Variants in HMGXB4 observed in about 807,000 individuals in gnomAD.
HMGXB4 encodes the protein HMG domain-containing protein 4.
Under a neutral mutation model 63.9 loss-of-function variants are expected in HMGXB4, and 27 were observed. The observed-to-expected ratio is 0.42, with a 90% confidence interval of 0.31 to 0.58. HMGXB4 has a LOEUF of 0.58. Among genes scored for constraint, HMGXB4 ranks in the 20% least tolerant of loss-of-function variants. The probability of loss-of-function intolerance (pLI) is 0.13; values close to 1 mark genes in which losing one functional copy is unlikely to be tolerated. For missense variants in HMGXB4, 624 were observed against 700.7 expected, an observed-to-expected ratio of 0.89 and a Z score of 1.24; for synonymous variants, 264 against 265.3, an observed-to-expected ratio of 0.99 and a Z score of 0.05.
At chr22:35,258,887 C>T (rs1030026269) in intron 1 of HMGXB4, among the ~76,000 whole-genome samples, 1 of 152,120 alleles carries the variant, frequency 6.6e-6, no homozygotes, top group Non-Finnish European at 1.5e-5. Flanking sequence ...GTCCGTGTGA[C>T]GGGGCTTACT....
the HMGXB4 span, among the ~76,000 whole-genome samples, chr22:35,245,453 T>G: frequency 2.0e-5 from 3 of 152,156 alleles, no homozygotes; most frequent in East Asian, 5.8e-4. Context: ...TTAAATCACG[T>G]TCATAATTGC....
At chr22:35,251,881 G>A in the HMGXB4 span, among the ~76,000 whole-genome samples, 1 of 152,010 alleles carries the variant, frequency 6.6e-6, no homozygotes, top group East Asian at 1.9e-4. Context: ...TGGTGTTTTG[G>A]TTTGGCTCGG....
chr22:35,262,248 C>T (rs929653882), intron 1 of HMGXB4, 75 bp from the exon 2 acceptor site: 6 of 794,992 alleles, frequency 7.5e-6, no homozygotes, highest in South Asian at 1.5e-5. Context: ...TGGATCACTG[C>T]GCATTTCCAT....
chr22:35,258,247 C>T (rs1168425322), intron 1 of HMGXB4: 1 of 152,164 alleles, frequency 6.6e-6, no homozygotes, highest in East Asian at 1.9e-4. Flanking sequence ...GTGGTGGGCG[C>T]CTTCTCCATG....
At chr22:35,283,852 C>A in intron 5 of HMGXB4, 110 bp from the exon 6 acceptor site, 2 of 713,626 alleles carry the variant, frequency 2.8e-6, no homozygotes, top group South Asian at 3.5e-5. Flanking sequence ...GGAACTCTTC[C>A]CTTGATGAAA....
Position 35,263,813 on chromosome 22 carries a change from C to T in HMGXB4, c.198C>T (p.Phe66=). ...KKKLKDSELY[F]LGTDTHKKKR... is the part of the protein sequence containing the mutation. The stretch of plus-strand genomic sequence containing the variant: ...AATTATAGGATAGTGAACTTTACTT[C>T]TTGGGGACGGACACACACAAGAAGA... Residue 66 remains phenylalanine, a synonymous_variant, in exon 4 of 11, where the codon TTC becomes TTT. Transcript: ENST00000216106. The T allele has an allele frequency of 1.9e-6, 3 of 1,612,892 alleles. No individual in the cohort carries two copies. The highest frequency in any genetic ancestry group is 2.5e-6 in the Non-Finnish European group (3 of 1,178,882).
chr22:35,251,365 G>A, the HMGXB4 span, among the ~76,000 whole-genome samples: 3 of 152,204 alleles, frequency 2.0e-5, no homozygotes, highest in Non-Finnish European at 2.9e-5. Flanking sequence ...ATAAGCCACC[G>A]CGCCCGGCCT....
At chr22:35,265,977 CGAG>C (rs1923222991) in intron 5 of HMGXB4, among the ~76,000 whole-genome samples, 1 of 147,186 alleles carries the variant, frequency 6.8e-6, no homozygotes, top group Admixed American at 6.8e-5. Context: ...TTAATAGAGA[CGAG>C]GTTTCACCAT....
intron 5 of HMGXB4, among the ~76,000 whole-genome samples, chr22:35,279,699 T>TTTTTTTTTTTTTTTTTTTTTTTTTG: frequency 9.2e-6 from 1 of 108,154 alleles, no homozygotes; most frequent in Non-Finnish European, 2.0e-5. Flanking sequence ...TTTTTTTTTT[T>TTTTTTTTTTTTTTTTTTTTTTTTTG]GGCATGTGGA....
rs1923749013 is a variant in HMGXB4 at position 35,273,875 on chromosome 22, A to T, written c.1215+8272A>T. On this transcript the variant is annotated intron_variant, in intron 5 of 10. Transcript: ENST00000216106. ...GTGACCTCTCTGCCTCTGTTCCTTT[A>T]TGCTTAAAATGGGGAATTAGCACCC... Among the ~76,000 whole-genome samples, 3 of 152,340 alleles carry T rather than the reference A, an allele frequency of 2.0e-5. No individual in the cohort carries two copies. The South Asian group carries it at 6.2e-4, about 32-fold the overall frequency.
chr22:35,273,460 G>T (rs746692628), intron 5 of HMGXB4, among the ~76,000 whole-genome samples: 2 of 152,150 alleles, frequency 1.3e-5, no homozygotes, highest in Non-Finnish European at 2.9e-5. Context: ...TTGTAAATTG[G>T]GGTTAGATTA....
upstream of HMGXB4, among the ~76,000 whole-genome samples, chr22:35,254,101 G>A (rs1478599014): frequency 6.6e-6 from 1 of 152,184 alleles, no homozygotes; most frequent in Non-Finnish European, 1.5e-5. Context: ...GTGGCCTGAA[G>A]AAAGAGATGT....
chr22:35,262,203 A>G (rs1922904885), intron 1 of HMGXB4, 120 bp from the exon 2 acceptor site: 7 of 643,388 alleles, frequency 1.1e-5, no homozygotes, highest in Non-Finnish European at 1.9e-5. Flanking sequence ...GTGACAAGAC[A>G]CTTTTTATTT....
upstream of HMGXB4, among the ~76,000 whole-genome samples, chr22:35,256,825 C>T (rs1922434265): frequency 6.6e-6 from 1 of 152,214 alleles, no homozygotes; most frequent in South Asian, 2.1e-4. Flanking sequence ...AAACCAAGTT[C>T]TATACACTGT....
intron 9 of HMGXB4, among the ~76,000 whole-genome samples, chr22:35,289,068 A>G (rs1043461166): frequency 3.3e-5 from 5 of 151,882 alleles, no homozygotes; most frequent in African/African-American, 7.3e-5. Context: ...TGAACCTGGG[A>G]GGCAGAGGTT....
chr22:35,263,952 A>T, intron 4 of HMGXB4, 78 bp downstream of exon 4: 1 of 1,592,032 alleles, frequency 6.3e-7, no homozygotes, highest in Non-Finnish European at 8.6e-7. Context: ...AGGGATCCAG[A>T]TGTTGCTGAC....
intron 5 of HMGXB4, among the ~76,000 whole-genome samples, chr22:35,272,310 G>A (rs958860243): frequency 6.6e-6 from 1 of 152,108 alleles, no homozygotes; most frequent in Non-Finnish European, 1.5e-5. Context: ...AAGAGTGAGC[G>A]GTGTGGAAGT....
intron 5 of HMGXB4, among the ~76,000 whole-genome samples, chr22:35,270,684 A>G (rs563864710): frequency 4.9e-4 from 74 of 152,346 alleles, no homozygotes; most frequent in Non-Finnish European, 9.0e-4. Flanking sequence ...AAGCTCTTCA[A>G]AGTTAAGGAC....
Position 35,264,838 on chromosome 22 carries a change from G to C in HMGXB4, c.450G>C (p.Lys150Asn). 1 of 1,614,106 alleles carries C rather than the reference G, an allele frequency of 6.2e-7. No individual in the cohort carries two copies. Among genetic ancestry groups the C allele is most frequent in the Non-Finnish European group, 8.5e-7 (1 of 1,179,990 alleles). Residue 150 changes from lysine (K) to asparagine (N), a missense_variant, in exon 5 of 11, where the codon AAG becomes AAC. By Grantham distance (94) the Lys-to-Asn change is moderately conservative (BLOSUM62 0). Around this residue, in one of 2 missense-constraint regions of HMGXB4, gnomAD observed 472 missense variants for 470.6 expected, o/e 1.00. Transcript: ENST00000216106. ...AGAGTAAAAAGGAGCACCACAGGAAGAAAGTCAGTGGAAGCAGTGGGGAAC... is the reference window on the plus strand; with the variant it reads ...AGAGTAAAAAGGAGCACCACAGGAACAAAGTCAGTGGAAGCAGTGGGGAAC... ...HSESKKEHHR[K>N]KVSGSSGELP...
Sources: allele counts gnomAD v4.1 joint callset (sites outside exome capture counted in the v4.1 genomes callset), GRCh38; gene constraint gnomAD v4.1.1; regional missense constraint gnomAD v4.1.1; transcripts MANE v1.5; gene names NCBI Gene and HGNC (gene_info 2026-07-23, HGNC 2026-07-21).